The following TDRD12 variants were observed in gnomAD, a reference collection of about 807,000 sequenced individuals.
TDRD12 encodes tudor domain containing 12.
In TDRD12, 158 loss-of-function variants were observed where a neutral mutation model predicts 133.5. That is an observed-to-expected ratio of 1.18 (90% CI 1.04 to 1.35). TDRD12 has a LOEUF of 1.35. Ranked by LOEUF, TDRD12 falls within the 40% of genes most tolerant of loss-of-function variation. The pLI, the probability that TDRD12 is intolerant of heterozygous loss-of-function variation, is 0.00. For missense variants in TDRD12, 1,443 were observed against 1,321.3 expected, an observed-to-expected ratio of 1.09 and a Z score of -1.43; for synonymous variants, 460 against 477.9, an observed-to-expected ratio of 0.96 and a Z score of 0.49.
chr19:32,774,111 C>G (rs941802881), intron 10 of TDRD12, among the ~76,000 whole-genome samples: 2 of 152,204 alleles, frequency 1.3e-5, no homozygotes, highest in African/African-American at 4.8e-5. Flanking sequence ...AGATACATGT[C>G]AGTGACGTTA....
At chr19:32,785,673 ATTATGTAATGGCCTTCT>A (rs1970886980) in intron 11 of TDRD12, among the ~76,000 whole-genome samples, 1 of 151,784 alleles carries the variant, frequency 6.6e-6, no homozygotes, top group African/African-American at 2.4e-5. Flanking sequence ...AACCTTTACT[ATTATGTAATGGCCTTCT>A]TTATGTCTTT....
At position 32,761,161 on chromosome 19, in the gene TDRD12, G is replaced by A. The variant is rs545416547; in HGVS notation, c.865+4031G>A. Among the ~76,000 whole-genome samples the A allele has an allele frequency of 5.3e-4, 81 of 152,306 alleles. 1 individual carries two copies. Among genetic ancestry groups the A allele is most frequent in the African/African-American group, 1.9e-3 (80 of 41,560 alleles). ...AGACGGAGTCTCACTCTGTCTCCCAGGCTGGAGTGCAGTGGCACATCTCAG... is the reference window on the plus strand; with the variant it reads ...AGACGGAGTCTCACTCTGTCTCCCAAGCTGGAGTGCAGTGGCACATCTCAG... On this transcript the variant is annotated intron_variant, in intron 8 of 27. Coordinates refer to ENST00000444215, the Ensembl canonical transcript of TDRD12.
intron 16 of TDRD12, 57 bp from the exon 17 acceptor site, chr19:32,800,110 C>A: frequency 2.1e-6 from 2 of 961,198 alleles, no homozygotes; most frequent in South Asian, 1.8e-5. Flanking sequence ...TATGTTCTGC[C>A]ACACTAGTTC....
At chr19:32,802,733 C>T in exon 20 of TDRD12, 1 of 1,536,592 alleles carries the variant, frequency 6.5e-7, no homozygotes, top group Non-Finnish European at 8.7e-7. Context: ...CCCTGCCTCA[C>T]CAAAAGTTTT....
downstream of TDRD12, among the ~76,000 whole-genome samples, chr19:32,823,313 A>C (rs146973051): frequency 3.3e-5 from 5 of 151,888 alleles, no homozygotes; most frequent in East Asian, 9.7e-4. Flanking sequence ...ATTCCCATGC[A>C]TCTCTGGGTA....
downstream of TDRD12, among the ~76,000 whole-genome samples, chr19:32,823,237 AGT>A (rs554895566): frequency 2.1e-3 from 318 of 152,168 alleles, 2 homozygotes; most frequent in African/African-American, 7.4e-3. Context: ...GAGGATGGAG[AGT>A]GTGGGAGGAG....
At chr19:32,820,957 T>C in intron 27 of TDRD12, 76 bp from the exon 28 acceptor site, 15 of 1,231,326 alleles carry the variant, frequency 1.2e-5, no homozygotes, top group Non-Finnish European at 1.7e-5. Flanking sequence ...TCACGGTCAT[T>C]TATTGCCTGC....
At chr19:32,756,932 T>C in intron 7 of TDRD12, 106 bp from the exon 8 acceptor site, 1 of 951,364 alleles carries the variant, frequency 1.1e-6, no homozygotes, top group South Asian at 1.5e-5. Flanking sequence ...AGGTTTCCTG[T>C]AACCTCAGAG....
intron 2 of TDRD12, 111 bp downstream of exon 2, chr19:32,731,994 C>G (rs1393445114): frequency 8.9e-7 from 1 of 1,123,502 alleles, no homozygotes; most frequent in South Asian, 1.9e-5. Flanking sequence ...GTTTCTTACA[C>G]TCAGTGCCTT....
intron 16 of TDRD12, among the ~76,000 whole-genome samples, chr19:32,799,806 C>T (rs1361703014): frequency 7.4e-6 from 1 of 135,040 alleles, no homozygotes; most frequent in Admixed American, 8.3e-5. Context: ...TTGATCTTGG[C>T]TCACTGTAAC....
At chr19:32,813,393 G>A (rs546656095) in intron 24 of TDRD12, among the ~76,000 whole-genome samples, 2 of 152,248 alleles carry the variant, frequency 1.3e-5, no homozygotes, top group South Asian at 2.1e-4. Context: ...GATGGGGTAC[G>A]CACGTCCACA....
intron 27 of TDRD12, 139 bp downstream of exon 27, chr19:32,818,296 G>T (rs942921852): frequency 1.6e-6 from 1 of 607,272 alleles, no homozygotes; most frequent in Admixed American, 2.9e-5. Context: ...CCAGGAGCAG[G>T]GATGAAGGTA....
In TDRD12 at chr19:32,756,184, G is replaced by T; in HGVS notation, c.772+3G>T. 7.1e-7 allele frequency: 1 copy of T among 1,410,810 alleles called. No homozygotes were observed. The highest frequency in any genetic ancestry group is 1.7e-5 in the South Asian group (1 of 59,382). 87.4% of individuals were successfully genotyped at this position (1,410,810 alleles called of 1,614,324 possible). ...AAAAGATGTTCAAGGAATGGAAGGT[G>T]AGTAGATTCTCATCATATCAATTTC... is the stretch of plus-strand genomic sequence containing the variant. On this transcript the variant is annotated splice_donor_region_variant and intron_variant, in intron 7 of 27. Coordinates refer to ENST00000444215, the Ensembl canonical transcript of TDRD12.
intron 26 of TDRD12, among the ~76,000 whole-genome samples, chr19:32,816,472 T>C (rs1379736621): frequency 6.6e-6 from 1 of 152,238 alleles, no homozygotes; most frequent in African/African-American, 2.4e-5. Context: ...ATAAATTCTC[T>C]AAATTCTCAC....
chr19:32,819,346 G>A (rs1031025324), intron 27 of TDRD12, among the ~76,000 whole-genome samples: 1 of 151,042 alleles, frequency 6.6e-6, no homozygotes, highest in Non-Finnish European at 1.5e-5. Context: ...GATAAACATA[G>A]TATGATCTAA....
At chr19:32,764,008 G>A (rs1195042786) in intron 8 of TDRD12, among the ~76,000 whole-genome samples, 1 of 151,530 alleles carries the variant, frequency 6.6e-6, no homozygotes, top group African/African-American at 2.4e-5. Flanking sequence ...TTACATGCTC[G>A]ACTGGAAACT....
intron 8 of TDRD12, among the ~76,000 whole-genome samples, chr19:32,762,085 C>T (rs1970167545): frequency 6.6e-6 from 1 of 152,156 alleles, no homozygotes; most frequent in South Asian, 2.1e-4. Context: ...TTTTGGATAA[C>T]AATCCTTTTT....
At chr19:32,812,316 C>A (rs1303077621) in intron 24 of TDRD12, among the ~76,000 whole-genome samples, 2 of 152,248 alleles carry the variant, frequency 1.3e-5, no homozygotes, top group South Asian at 2.1e-4. Flanking sequence ...CTGCCCATCA[C>A]TGGAGCATGA....
intron 1 of TDRD12, among the ~76,000 whole-genome samples, chr19:32,724,111 T>G (rs1968782602): frequency 3.3e-5 from 5 of 152,202 alleles, no homozygotes; most frequent in African/African-American, 9.6e-5. Context: ...TCGTCCCACC[T>G]CAGCCTCCCA....
Sources: allele counts gnomAD v4.1 joint callset (sites outside exome capture counted in the v4.1 genomes callset), GRCh38; gene constraint gnomAD v4.1.1; transcripts MANE v1.5; gene names NCBI Gene and HGNC (gene_info 2026-07-23, HGNC 2026-07-21).